CACNA1H: variants seen among roughly 807,000 people sequenced by gnomAD.
CACNA1H encodes voltage-dependent T-type calcium channel subunit alpha-1H.
In CACNA1H, 149 loss-of-function variants were observed where a neutral mutation model predicts 192.5. That is an observed-to-expected ratio of 0.77 (90% CI 0.68 to 0.89). The LOEUF is 0.89. CACNA1H is among the 40% of genes least tolerant of loss of function. CACNA1H has a pLI of 0.00. For synonymous variants in CACNA1H, 2,202 were observed against 1,475.2 expected (o/e 1.49, Z -11.29); for missense variants, 4,257 against 3,423.5 (o/e 1.24, Z -6.08).
In CACNA1H at chr16:1,221,189, G is replaced by C. The variant is rs2248457; in HGVS notation, c.*195G>C. On this transcript the variant is annotated 3_prime_UTR_variant, in exon 35 of 35. Transcript: ENST00000348261. ...TAGCTGCCGGGCCCCACGAGCCTCCGTCCGTTCTGGTTCGGGTTTCTCCGA... is the reference window on the plus strand; with the variant it reads ...TAGCTGCCGGGCCCCACGAGCCTCCCTCCGTTCTGGTTCGGGTTTCTCCGA... 1.9e-6 allele frequency: 1 copy of C among 534,420 alleles called. No individual in the cohort carries two copies. Among genetic ancestry groups the C allele is most frequent in the Non-Finnish European group, 3.3e-6 (1 of 306,230 alleles). 33.1% of individuals were successfully genotyped at this position (534,420 alleles called of 1,614,324 possible). A position where few individuals can be genotyped will look rare whatever the true frequency, so the allele number is the denominator to read the frequency against.
In CACNA1H at chr16:1,167,478, T is replaced by C. The variant is rs1963914883; in HGVS notation, c.299+13442T>C. ...TTGGAATAAAAAAAAAAATTATTAA[T>C]GAGCTTGGTGCGGTTGCCATGGGAA... is the stretch of plus-strand genomic sequence containing the variant. On this transcript the variant is annotated intron_variant, in intron 2 of 34. Transcript: ENST00000348261. The surrounding 1 kb of genome is among the most constrained non-coding windows in gnomAD (Gnocchi z 4.2). Among the ~76,000 whole-genome samples, 1 of 152,152 alleles carries C rather than the reference T, an allele frequency of 6.6e-6. No individual in the cohort carries two copies. Among genetic ancestry groups the C allele is most frequent in the African/African-American group, 2.4e-5 (1 of 41,430 alleles).
Position 1,171,822 on chromosome 16 carries a change from G to A in CACNA1H, c.299+17786G>A, listed in dbSNP as rs539224858. ...CTACCCCCAACTCGGCTCCGTCTCC[G>A]AGCGCCAGCTGGGTCTGAGGCGTCT... On this transcript the variant is annotated intron_variant, in intron 2 of 34. Coordinates refer to ENST00000348261, the MANE Select transcript of CACNA1H (RefSeq NM_021098.3). Among the ~76,000 whole-genome samples the A allele has an allele frequency of 3.7e-4, 57 of 152,326 alleles. No individual in the cohort carries two copies. The South Asian group carries it at 0.011, about 30-fold the overall frequency.
intron 3 of CACNA1H, 120 bp downstream of exon 3, chr16:1,195,203 G>A (rs1272994362): frequency 2.2e-6 from 2 of 903,930 alleles, no homozygotes; most frequent in Non-Finnish European, 3.4e-6. Context: ...GGTCAGGGTC[G>A]GGGATCAGGG....
rs191117454 is a variant in CACNA1H at position 1,199,053 on chromosome 16, C to T, written c.803+279C>T. 4,973 of 231,442 alleles carry T rather than the reference C, an allele frequency of 0.021. 86 individuals carry two copies. Among genetic ancestry groups the T allele is most frequent in the African/African-American group, 0.048 (948 of 19,582 alleles). 14.3% of individuals were successfully genotyped at this position (231,442 alleles called of 1,614,324 possible). A position where few individuals can be genotyped will look rare whatever the true frequency, so the allele number is the denominator to read the frequency against. On this transcript the variant is annotated intron_variant, in intron 6 of 34. Transcript: ENST00000348261. Reference sequence around the variant, plus strand: ...CCCCCCACCATGGCTCCGCCCACCGCGCAGTCGCTGCACATATGCCCCACC... The same window carrying T: ...CCCCCCACCATGGCTCCGCCCACCGTGCAGTCGCTGCACATATGCCCCACC...
At chr16:1,214,911 A>C in intron 27 of CACNA1H, 61 bp from the exon 28 acceptor site, 1 of 1,292,212 alleles carries the variant, frequency 7.7e-7, no homozygotes, top group South Asian at 1.3e-5. Flanking sequence ...GCAGAGTGGG[A>C]GCCAGGGGGA....
At chr16:1,200,140 C>G in intron 6 of CACNA1H, 116 bp from the exon 7 acceptor site, 1 of 837,830 alleles carries the variant, frequency 1.2e-6, no homozygotes, top group Non-Finnish European at 1.9e-6. Context: ...GTCCACTGGC[C>G]CTGACCCTGA....
At chr16:1,210,696 CT>C in intron 20 of CACNA1H, 45 bp downstream of exon 20, 2 of 1,585,976 alleles carry the variant, frequency 1.3e-6, no homozygotes, top group South Asian at 2.2e-5. Flanking sequence ...GGTCCCCGTT[CT>C]GCCCTCATCC....
In CACNA1H at chr16:1,202,421, C is replaced by A. The variant is rs781188604; in HGVS notation, c.1971C>A (p.Tyr657Ter). 1 of 1,514,954 alleles carries A rather than the reference C, an allele frequency of 6.6e-7. No individual in the cohort carries two copies. 93.8% of individuals were successfully genotyped at this position (1,514,954 alleles called of 1,614,324 possible). A position where few individuals can be genotyped will look rare whatever the true frequency, so the allele number is the denominator to read the frequency against. Reference sequence around the variant, plus strand: ...TGAGCTTGAACAGCCCTGATCCCTACGAGAAGATCCCGCATGTGGTCGGGG... The same window carrying A: ...TGAGCTTGAACAGCCCTGATCCCTAAGAGAAGATCCCGCATGTGGTCGGGG... ...GPLSLNSPDP[Y>*]EKIPHVVGEH... The change falls in exon 9 of 35, where the codon TAC (tyrosine) becomes TAA (stop). Residue 657 changes from tyrosine to a stop codon, truncating the protein, a stop_gained. Transcript: ENST00000348261. LOFTEE classifies it high-confidence loss of function.
chr16:1,220,642 G>T lies in CACNA1H; in HGVS notation c.6710G>T (p.Gly2237Val). The T allele has an allele frequency of 6.2e-7, 1 of 1,603,062 alleles. No homozygotes were observed. Among genetic ancestry groups the T allele is most frequent in the Non-Finnish European group, 8.5e-7 (1 of 1,175,202 alleles). Residue 2237 changes from glycine (G) to valine (V), a missense_variant, in exon 35 of 35, where the codon GGC (glycine) becomes GTC (valine). By Grantham distance (109) the Gly-to-Val change is moderately radical. Coordinates refer to ENST00000348261, the MANE Select transcript of CACNA1H (RefSeq NM_021098.3). Reference sequence around the variant, plus strand: ...AGGGACTCCCTGGAGCCCACAGAGGGCTCAGGCGCCGGGGGGGACCCTGCA... The same window carrying T: ...AGGGACTCCCTGGAGCCCACAGAGGTCTCAGGCGCCGGGGGGGACCCTGCA... Reference protein sequence around the residue: ...PHRDSLEPTEGSGAGGDPAAK... With the variant: ...PHRDSLEPTEVSGAGGDPAAK...
At chr16:1,166,899 G>A (rs1038410117) in intron 2 of CACNA1H, among the ~76,000 whole-genome samples, 11 of 152,168 alleles carry the variant, frequency 7.2e-5, no homozygotes, top group African/African-American at 2.2e-4. Flanking sequence ...CTCCAGGTTC[G>A]GGGGAAACCC....
intron 2 of CACNA1H, among the ~76,000 whole-genome samples, chr16:1,172,028 C>T (rs1964416581): frequency 6.6e-6 from 1 of 152,202 alleles, no homozygotes; most frequent in African/African-American, 2.4e-5. Flanking sequence ...CCGAGTGGGT[C>T]GGCTCAAGGT....
chr16:1,220,391 G>T lies in CACNA1H; in HGVS notation c.6459G>T (p.Gln2153His). 6.6e-7 allele frequency: 1 copy of T among 1,524,132 alleles called. No homozygotes were observed. The highest frequency in any genetic ancestry group is 8.7e-7 in the Non-Finnish European group (1 of 1,144,548). 94.4% of individuals were successfully genotyped at this position (1,524,132 alleles called of 1,614,324 possible). The change falls in exon 35 of 35, where the codon CAG becomes CAT. Residue 2153 changes from glutamine to histidine, a missense_variant. Transcript: ENST00000348261. Reference protein sequence around the residue: ...FLDKPGRADEQWRPSAELGSG... With the variant: ...FLDKPGRADEHWRPSAELGSG... ...ACAAGCCGGGCCGGGCAGACGAGCA[G>T]TGGCGGCCCTCGGCGGAGCTGGGCA...
intron 18 of CACNA1H, 67 bp from the exon 19 acceptor site, chr16:1,210,303 G>A (rs969734043): frequency 4.4e-5 from 62 of 1,404,480 alleles, no homozygotes; most frequent in Non-Finnish European, 6.0e-5. Flanking sequence ...GGGCTGTCCT[G>A]CAACCCCCAT....
In CACNA1H at chr16:1,205,165, A is replaced by G. The variant is rs1240705292; in HGVS notation, c.2503A>G (p.Met835Val). The change falls in exon 11 of 35, where the codon ATG becomes GTG. Residue 835 changes from methionine to valine, a missense_variant. Transcript: ENST00000348261. ...GATCAGCAACATCGTGTTCACCAGC[A>G]TGTTTGCCCTGGAGATGCTGCTGAA... ...LEISNIVFTS[M>V]FALEMLLKLL... is the part of the protein sequence containing the mutation. 8.7e-6 allele frequency: 14 copies of G among 1,613,052 alleles called. No individual in the cohort carries two copies. Among genetic ancestry groups the G allele is most frequent in the Non-Finnish European group, 1.2e-5 (14 of 1,179,766 alleles).
At position 1,218,058 on chromosome 16, in the gene CACNA1H, G is replaced by A. The variant is rs754459719; in HGVS notation, c.5445+18G>A. On this transcript the variant is annotated intron_variant, in intron 32 of 34. Coordinates refer to ENST00000348261, the MANE Select transcript of CACNA1H (RefSeq NM_021098.3). ...TCATGAAGGTACCCGCCGCGGCCAT[G>A]CCTCTGGCACCTGGCAGCCCCAGCG... The A allele has an allele frequency of 8.2e-6, 13 of 1,593,744 alleles. No individual in the cohort carries two copies. The highest frequency in any genetic ancestry group is 1.7e-5 in the Admixed American group (1 of 58,088).
chr16:1,161,244 A>G (rs1253995507), intron 2 of CACNA1H, among the ~76,000 whole-genome samples: 2 of 152,090 alleles, frequency 1.3e-5, no homozygotes, highest in South Asian at 2.1e-4. Flanking sequence ...TTGTGGATGG[A>G]CCGTTAGGTG....
chr16:1,211,458 C>T (rs765195686), intron 22 of CACNA1H, 23 bp from the exon 23 acceptor site: 65 of 1,612,108 alleles, frequency 4.0e-5, no homozygotes, highest in Non-Finnish European at 5.3e-5. Flanking sequence ...AGGCCCTCCG[C>T]GGTGACCGTC....
intron 5 of CACNA1H, among the ~76,000 whole-genome samples, chr16:1,198,363 C>G (rs1452938954): frequency 1.3e-5 from 2 of 152,168 alleles, no homozygotes; most frequent in Non-Finnish European, 2.9e-5. Context: ...GAGGTGGAGA[C>G]CTGGCGCCCC....
At chr16:1,165,528 C>T (rs543218885) in intron 2 of CACNA1H, among the ~76,000 whole-genome samples, 15 of 145,786 alleles carry the variant, frequency 1.0e-4, no homozygotes, top group African/African-American at 3.1e-4. Flanking sequence ...GAGAGAGAGG[C>T]GCCTGGGCCC....
Sources: allele counts gnomAD v4.1 joint callset (sites outside exome capture counted in the v4.1 genomes callset), GRCh38; gene constraint gnomAD v4.1.1; non-coding constraint Gnocchi (gnomAD v3.1); transcripts MANE v1.5; gene names NCBI Gene and HGNC (gene_info 2026-07-23, HGNC 2026-07-21).